Variants in DCAF5 observed in about 807,000 individuals in gnomAD.
DCAF5 encodes the protein DDB1- and CUL4-associated factor 5.
A neutral mutation model predicts 80.7 loss-of-function variants in DCAF5; 9 were observed. The observed-to-expected ratio is 0.11, with a 90% CI of 0.07 to 0.19. The LOEUF is 0.19. Ranked by LOEUF, DCAF5 falls within the 10% of genes least tolerant of loss-of-function variation. DCAF5 has a pLI of 1.00. For missense variants in DCAF5, 842 were observed against 1,205.7 expected (o/e 0.70, Z 4.47); for synonymous variants, 433 against 461.9 (o/e 0.94, Z 0.80).
chr14:69,076,854 C>G (rs2038919632), intron 6 of DCAF5, among the ~76,000 whole-genome samples: 1 of 152,198 alleles, frequency 6.6e-6, no homozygotes, highest in Non-Finnish European at 1.5e-5. Flanking sequence ...TCCCAGAGAT[C>G]TTTCACGTAA....
chr14:69,141,782 G>A (rs1029533143), intron 1 of DCAF5, among the ~76,000 whole-genome samples: 1 of 152,112 alleles, frequency 6.6e-6, no homozygotes, highest in Non-Finnish European at 1.5e-5. Flanking sequence ...GGGAATACAG[G>A]AATCAGTCCT....
chr14:69,106,638 C>T (rs183919398), intron 5 of DCAF5, among the ~76,000 whole-genome samples: 8 of 152,306 alleles, frequency 5.3e-5, no homozygotes, highest in East Asian at 1.9e-4. Context: ...TCCCAAAGTG[C>T]TAGGATTACA....
At chr14:69,071,049 C>CGAG (rs1274584769) in intron 7 of DCAF5, among the ~76,000 whole-genome samples, 12 of 152,318 alleles carry the variant, frequency 7.9e-5, no homozygotes, top group Admixed American at 1.3e-4. Flanking sequence ...CTGCCCCCCT[C>CGAG]AGCCTCCCAA....
intron 6 of DCAF5, chr14:69,085,217 G>A: frequency 1.4e-6 from 1 of 714,546 alleles, no homozygotes. Context: ...GCTGTCATTG[G>A]TTTCAAGGTG....
intron 8 of DCAF5, among the ~76,000 whole-genome samples, chr14:69,058,333 A>T (rs1368190873): frequency 2.0e-5 from 3 of 151,966 alleles, no homozygotes; most frequent in Admixed American, 6.6e-5. Flanking sequence ...AGCCTGGCCA[A>T]CGTGGTAAAA....
Position 69,077,247 on chromosome 14 carries a change from T to A in DCAF5, c.880-1836A>T, listed in dbSNP as rs182530652. Among the ~76,000 whole-genome samples the A allele has an allele frequency of 5.9e-5, 9 of 152,322 alleles. No individual in the cohort carries two copies. The East Asian group carries it at 1.3e-3, about 23-fold the overall frequency. On this transcript the variant is annotated intron_variant, in intron 6 of 8. Coordinates refer to ENST00000341516, the MANE Select transcript of DCAF5 (RefSeq NM_003861.3). The stretch of plus-strand genomic sequence containing the variant: ...TGACAGCGTCTTGCTGTGTTGCCCA[T>A]GCTAGAGTGCAGTGGCACGATTATG...
chr14:69,116,021 C>T (rs2040534269), intron 5 of DCAF5, among the ~76,000 whole-genome samples: 1 of 152,052 alleles, frequency 6.6e-6, no homozygotes, highest in African/African-American at 2.4e-5. Context: ...CTCCTCCCCT[C>T]CACCCACCCC....
intron 2 of DCAF5, 37 bp downstream of exon 2, chr14:69,122,180 C>A: frequency 6.3e-7 from 1 of 1,595,350 alleles, no homozygotes; most frequent in Non-Finnish European, 8.6e-7. Context: ...AAATCCCAAC[C>A]ACAGTGACGT....
chr14:69,119,753 C>T (rs906284738), intron 2 of DCAF5, among the ~76,000 whole-genome samples: 2 of 151,250 alleles, frequency 1.3e-5, no homozygotes, highest in Non-Finnish European at 2.9e-5. Flanking sequence ...AAAACTGTGG[C>T]CATCAAGAAA....
chr14:69,140,650 C>A (rs1453534844), intron 1 of DCAF5, among the ~76,000 whole-genome samples: 1 of 151,916 alleles, frequency 6.6e-6, no homozygotes, highest in Non-Finnish European at 1.5e-5. Flanking sequence ...AAAAAAAGTA[C>A]AAGTAAACAG....
chr14:69,143,550 A>G (rs567406436), intron 1 of DCAF5, among the ~76,000 whole-genome samples: 312 of 142,006 alleles, frequency 2.2e-3, no homozygotes, highest in African/African-American at 7.4e-3. Context: ...AAAATCTGTT[A>G]AACTTTTTTT....
At chr14:69,112,674 A>G (rs2040414565) in intron 5 of DCAF5, among the ~76,000 whole-genome samples, 1 of 152,038 alleles carries the variant, frequency 6.6e-6, no homozygotes, top group African/African-American at 2.4e-5. Flanking sequence ...TGATTTTCTT[A>G]AAATAAGAAT....
intron 6 of DCAF5, among the ~76,000 whole-genome samples, chr14:69,086,727 C>A (rs928103593): frequency 2.0e-5 from 3 of 151,938 alleles, no homozygotes; most frequent in Non-Finnish European, 4.4e-5. Context: ...TAGTGTCAAC[C>A]CAGAGAGGTT....
At chr14:69,090,114 A>G in intron 6 of DCAF5, 9 of 985,182 alleles carry the variant, frequency 9.1e-6, no homozygotes, top group Non-Finnish European at 1.1e-5. Flanking sequence ...TTATTCAACA[A>G]AACAAGAATT....
chr14:69,109,834 A>C (rs553436220), intron 5 of DCAF5, among the ~76,000 whole-genome samples: 28 of 152,316 alleles, frequency 1.8e-4, no homozygotes, highest in African/African-American at 6.5e-4. Context: ...TCTTAGATAT[A>C]CTTAAGAGTG....
rs546811760 is a variant in DCAF5, at chr14:69,142,870, GTTTTTACTT to G, written c.214+9886_214+9894del. 1.4e-3 allele frequency among the ~76,000 whole-genome samples: 215 copies of G among 152,240 alleles called. 5 individuals carry two copies. The South Asian group carries it at 0.028, about 20-fold the overall frequency. ...CAGGTTCAGTAAATACACATATATT[GTTTTTACTT>G]TTAACTGGGCTAACAGACAAGAGAA... On this transcript the variant is annotated intron_variant, in intron 1 of 8. Transcript: ENST00000341516.
intron 8 of DCAF5, among the ~76,000 whole-genome samples, chr14:69,057,498 C>T (rs1250115286): frequency 1.3e-5 from 2 of 152,110 alleles, no homozygotes; most frequent in Admixed American, 1.3e-4. Flanking sequence ...AACTAAAGTA[C>T]AAAATAACAA....
chr14:69,082,068 T>C (rs921246283), intron 6 of DCAF5, among the ~76,000 whole-genome samples: 6 of 152,242 alleles, frequency 3.9e-5, no homozygotes, highest in African/African-American at 9.6e-5. Flanking sequence ...CCTGACCTTC[T>C]GTCAGAAAGG....
At chr14:69,108,146 A>T (rs1171239183) in intron 5 of DCAF5, among the ~76,000 whole-genome samples, 4 of 152,244 alleles carry the variant, frequency 2.6e-5, no homozygotes, top group African/African-American at 9.6e-5. Flanking sequence ...CTTTACAGAG[A>T]TTCTGAATGG....
Sources: allele counts gnomAD v4.1 joint callset (sites outside exome capture counted in the v4.1 genomes callset), GRCh38; gene constraint gnomAD v4.1.1; transcripts MANE v1.5; gene names NCBI Gene and HGNC (gene_info 2026-07-23, HGNC 2026-07-21).